DNAAF8: variants seen among roughly 807,000 people sequenced by gnomAD.
DNAAF8 encodes the protein dynein axonemal assembly factor 8, also known as dynein axonemal-associated protein 1.
DNAAF8 carries 61 observed loss-of-function variants against 54.6 expected under a neutral mutation model. The observed-to-expected ratio is 1.12, with a 90% confidence interval of 0.91 to 1.38. The LOEUF (loss-of-function observed/expected upper bound fraction) is 1.38, where lower values mean the gene tolerates loss of function less well. Ranked by LOEUF, DNAAF8 falls within the 40% of genes most tolerant of loss-of-function variation. DNAAF8 has a pLI of 0.00. For missense variants in DNAAF8, 837 were observed against 665.0 expected (o/e 1.26, Z -2.85); for synonymous variants, 320 against 270.1 (o/e 1.18, Z -1.81).
At chr16:4,740,774 C>T (rs1232477490) in intron 4 of DNAAF8, 115 bp downstream of exon 4, 1 of 1,285,052 alleles carries the variant, frequency 7.8e-7, no homozygotes, top group Non-Finnish European at 1.1e-6. Context: ...GGACCTTAGG[C>T]CCATTATCCA....
rs1596491042 is a variant in DNAAF8 at position 4,749,340 on chromosome 16, G to C, written c.*625G>C. On this transcript the variant is annotated 3_prime_UTR_variant, in exon 10 of 10. Transcript: ENST00000299320. ...CATTTCTCCCACCTTTTTAATGCCA[G>C]TAACCTCACTGAGAATGTTTTACAG... is the stretch of plus-strand genomic sequence containing the variant. 1 of 154,402 alleles carries C rather than the reference G, an allele frequency of 6.5e-6. No homozygotes were observed. The highest frequency in any genetic ancestry group is 1.9e-4 in the East Asian group (1 of 5,200). 9.6% of individuals were successfully genotyped at this position (154,402 alleles called of 1,614,324 possible).
chr16:4,736,647 A>G lies in DNAAF8; in HGVS notation c.129+4A>G. ...TCTGGACTCAGACTCCCCTTTGGTA[A>G]GCAAGAACTCTCTCCCTGGATGCCT... On this transcript the variant is annotated splice_donor_region_variant and intron_variant, in intron 2 of 9. Transcript: ENST00000299320. The G allele has an allele frequency of 6.4e-7, 1 of 1,557,282 alleles. No individual in the cohort carries two copies. The highest frequency in any genetic ancestry group is 8.7e-7 in the Non-Finnish European group (1 of 1,149,830).
rs1279850790 is a variant in DNAAF8 at position 4,740,144 on chromosome 16, T to G, written c.277-9T>G. The G allele has an allele frequency of 6.3e-7, 1 of 1,586,074 alleles. No homozygotes were observed. On this transcript the variant is annotated splice_polypyrimidine_tract_variant and intron_variant, in intron 3 of 9. Coordinates refer to ENST00000299320, the MANE Select transcript of DNAAF8 (RefSeq NM_139170.3). ...GGATGCTAACTGAACATACCTGTTT[T>G]CTTGACAGCCAGTTCTGGTGCCTGC...
chr16:4,737,188 G>A (rs1026381521), intron 2 of DNAAF8, among the ~76,000 whole-genome samples: 4 of 152,128 alleles, frequency 2.6e-5, no homozygotes, highest in Non-Finnish European at 4.4e-5. Context: ...GGTTGGCACT[G>A]GGCGTTAAGA....
At position 4,747,569 on chromosome 16, in the gene DNAAF8, G is replaced by A. The variant is rs756203330; in HGVS notation, c.1507G>A (p.Val503Ile). ...PRGRPRALGD[V>I]PEPGAAREAL... ...AGGCAGGCCCAGAGCCCTGGGGGAT[G>A]TTCCTGAGCCAGGGGCAGCCAGGGA... Residue 503 changes from valine to isoleucine, a missense_variant, in exon 9 of 10, where the codon GTT (valine) becomes ATT (isoleucine). Transcript: ENST00000299320. The A allele has an allele frequency of 6.8e-6, 11 of 1,611,570 alleles. No homozygotes were observed. The highest frequency in any genetic ancestry group is 9.3e-6 in the Non-Finnish European group (11 of 1,179,550).
At chr16:4,742,344 C>G (rs1182350937) in intron 4 of DNAAF8, among the ~76,000 whole-genome samples, 2 of 152,064 alleles carry the variant, frequency 1.3e-5, no homozygotes, top group Non-Finnish European at 2.9e-5. Context: ...TGCTTGAGGT[C>G]AGGCATTCAA....
intron 1 of DNAAF8, among the ~76,000 whole-genome samples, chr16:4,735,683 C>T (rs896059708): frequency 6.6e-6 from 1 of 151,516 alleles, no homozygotes; most frequent in Non-Finnish European, 1.5e-5. Flanking sequence ...GTCAGCCAGG[C>T]GCGATGGCAC....
At chr16:4,739,265 G>GTTTTTTTTTCTTTTTTTTTTTTT (rs2081931784) in intron 3 of DNAAF8, among the ~76,000 whole-genome samples, 1 of 69,030 alleles carries the variant, frequency 1.4e-5, no homozygotes, top group Non-Finnish European at 2.6e-5. Flanking sequence ...ATTTTTTCTT[G>GTTTTTTTTTCTTTTTTTTTTTTT]TTTTTTTTTT....
intron 1 of DNAAF8, among the ~76,000 whole-genome samples, chr16:4,735,686 G>A (rs1014448535): frequency 5.3e-5 from 8 of 151,910 alleles, no homozygotes; most frequent in South Asian, 2.1e-4. Context: ...AGCCAGGCGC[G>A]ATGGCACATG....
chr16:4,747,578 C>T lies in DNAAF8; in HGVS notation c.1516C>T (p.Pro506Ser), dbSNP rs770512545. ...RPRALGDVPEPGAAREALMPP... is the reference protein window; with the variant it reads ...RPRALGDVPESGAAREALMPP... ...CAGAGCCCTGGGGGATGTTCCTGAG[C>T]CAGGGGCAGCCAGGGAGGCCCTGAT... The change falls in exon 9 of 10, where the codon CCA becomes TCA. Residue 506 changes from proline (P) to serine (S), a missense_variant. Physicochemically the swap from Pro to Ser is moderately conservative, Grantham distance 74. Transcript: ENST00000299320. The T allele has an allele frequency of 6.2e-7, 1 of 1,610,530 alleles. No homozygotes were observed. Among genetic ancestry groups the T allele is most frequent in the Non-Finnish European group, 8.5e-7 (1 of 1,179,198 alleles).
At position 4,740,467 on chromosome 16, in the gene DNAAF8, G is replaced by T. The variant is rs780173533; in HGVS notation, c.591G>T (p.Arg197=). Residue 197 remains arginine, a synonymous_variant, in exon 4 of 10, where the codon CGG becomes CGT. Transcript: ENST00000299320. ...CCTCACAAGAATCTGTGAACCGCCG[G>T]GCCCTCCGACAGGAGAGAAGGAAGA... The part of the protein sequence containing the change: ...STASQESVNR[R]ALRQERRKMI... 1.2e-6 allele frequency: 2 copies of T among 1,614,004 alleles called. No homozygotes were observed. The highest frequency in any genetic ancestry group is 1.7e-6 in the Non-Finnish European group (2 of 1,179,974).
chr16:4,747,035 C>G lies in DNAAF8; in HGVS notation c.1280+10C>G, dbSNP rs1385516894. On this transcript the variant is annotated intron_variant, in intron 8 of 9. Transcript: ENST00000299320. ...CCTCCCTGGGGCTACGGTAACCACC[C>G]AGGGGCCTCTCGCCACCTGCAGATG... The G allele has an allele frequency of 1.8e-5, 27 of 1,522,398 alleles. No individual in the cohort carries two copies. Among genetic ancestry groups the G allele is most frequent in the Non-Finnish European group, 2.3e-5 (26 of 1,140,728 alleles). 94.3% of individuals were successfully genotyped at this position (1,522,398 alleles called of 1,614,324 possible).
rs61231109 is a variant in DNAAF8, at chr16:4,744,956, C to G, written c.988C>G (p.Arg330Gly). The stretch of plus-strand genomic sequence containing the variant: ...GCAGTCCAAGGCCTCTGCTTGTGCC[C>G]GGAAGGTGCCTGCCGACACTCCCCA... ...TTQSKASACARKVPADTPQDT... is the reference protein window; with the variant it reads ...TTQSKASACAGKVPADTPQDT... Residue 330 changes from arginine (R) to glycine (G), a missense_variant, in exon 6 of 10, where the codon CGG (arginine) becomes GGG (glycine). By Grantham distance (125) the Arg-to-Gly change is moderately radical. Coordinates refer to ENST00000299320, the MANE Select transcript of DNAAF8 (RefSeq NM_139170.3). 1.2e-6 allele frequency: 2 copies of G among 1,613,900 alleles called. No homozygotes were observed. Among genetic ancestry groups the G allele is most frequent in the East Asian group, 2.2e-5 (1 of 44,874 alleles).
rs114487079 is a variant in DNAAF8 at position 4,737,730 on chromosome 16, C to T, written c.130-70C>T. 7.9e-4 allele frequency: 1,222 copies of T among 1,547,288 alleles called. 6 individuals carry two copies. In the African/African-American group the frequency reaches 0.015, roughly 19 times the overall value. ...GGAAGTGAGAGTGGAGAGTGGAGAG[C>T]GGGGGTGGCTAGGCCCTCAGGGCTC... On this transcript the variant is annotated intron_variant, in intron 2 of 9. Coordinates refer to ENST00000299320, the MANE Select transcript of DNAAF8 (RefSeq NM_139170.3).
At chr16:4,738,078 C>A in intron 3 of DNAAF8, 132 bp downstream of exon 3, 1 of 1,184,020 alleles carries the variant, frequency 8.4e-7, no homozygotes, top group East Asian at 2.6e-5. Flanking sequence ...CCATGTACAA[C>A]CCAAGGTATT....
At chr16:4,742,957 C>G (rs565932603) in intron 4 of DNAAF8, 86 bp from the exon 5 acceptor site, 2 of 1,067,330 alleles carry the variant, frequency 1.9e-6, no homozygotes, top group African/African-American at 3.2e-5. Flanking sequence ...GTGACCATCT[C>G]CATGGGTCAC....
intron 1 of DNAAF8, among the ~76,000 whole-genome samples, chr16:4,735,630 G>A (rs927513247): frequency 5.3e-5 from 8 of 150,446 alleles, no homozygotes; most frequent in African/African-American, 2.0e-4. Flanking sequence ...GGTCAGAGTA[G>A]TGACTCCAAA....
Position 4,749,108 on chromosome 16 carries a change from C to T in DNAAF8, c.*393C>T, listed in dbSNP as rs1273912355. 1 of 152,824 alleles carries T rather than the reference C, an allele frequency of 6.5e-6. No individual in the cohort carries two copies. Among genetic ancestry groups the T allele is most frequent in the Non-Finnish European group, 1.5e-5 (1 of 68,300 alleles). 9.5% of individuals were successfully genotyped at this position (152,824 alleles called of 1,614,324 possible). A position where few individuals can be genotyped will look rare whatever the true frequency, so the allele number is the denominator to read the frequency against. On this transcript the variant is annotated 3_prime_UTR_variant, in exon 10 of 10. Transcript: ENST00000299320. ...TTCCATAAAGTCCCAGGAGGTCCCT[C>T]CTGTAGGGCACAAGGCCAGGCTGCC... is the stretch of plus-strand genomic sequence containing the variant.
At position 4,746,369 on chromosome 16, in the gene DNAAF8, T is replaced by C; in HGVS notation, c.1044-6T>C. The C allele has an allele frequency of 6.2e-7, 1 of 1,609,830 alleles. No individual in the cohort carries two copies. The highest frequency in any genetic ancestry group is 8.5e-7 in the Non-Finnish European group (1 of 1,178,406). ...GACTCCACAACACCTGCTTTTCTCATTTCAGATGTGCCTCAAGGAAGCAGG... is the reference window on the plus strand; with the variant it reads ...GACTCCACAACACCTGCTTTTCTCACTTCAGATGTGCCTCAAGGAAGCAGG... On this transcript the variant is annotated splice_polypyrimidine_tract_variant and splice_region_variant and intron_variant, in intron 6 of 9. Transcript: ENST00000299320.
Sources: allele counts gnomAD v4.1 joint callset (sites outside exome capture counted in the v4.1 genomes callset), GRCh38; gene constraint gnomAD v4.1.1; transcripts MANE v1.5; gene names NCBI Gene and HGNC (gene_info 2026-07-23, HGNC 2026-07-21).